TBCD: variants seen among roughly 807,000 people sequenced by gnomAD.
The protein encoded by TBCD is tubulin folding cofactor D.
A neutral mutation model predicts 169.3 loss-of-function variants in TBCD; 105 were observed. The ratio of observed to expected loss-of-function variants is 0.62; its 90% CI spans 0.53 to 0.73. The LOEUF (loss-of-function observed/expected upper bound fraction) is 0.73, where lower values mean the gene tolerates loss of function less well. Ranked by LOEUF, TBCD falls within the 30% of genes least tolerant of loss-of-function variation. TBCD has a pLI of 0.00. For missense variants in TBCD, 1,444 were observed against 1,600.1 expected (o/e 0.90, Z 1.66); for synonymous variants, 700 against 643.9 (o/e 1.09, Z -1.32).
intron 13 of TBCD, among the ~76,000 whole-genome samples, chr17:82,853,804 C>T (rs963510538): frequency 2.0e-5 from 3 of 152,090 alleles, no homozygotes; most frequent in Admixed American, 1.3e-4. Flanking sequence ...AAAAATCTAC[C>T]GTATGTGATT....
chr17:82,801,332 T>C (rs902765533), intron 9 of TBCD, among the ~76,000 whole-genome samples: 1 of 152,230 alleles, frequency 6.6e-6, no homozygotes, highest in Non-Finnish European at 1.5e-5. Context: ...TCTTTAATCC[T>C]AGAAGTGTTT....
At chr17:82,938,887 T>TTGCTTCTCTGATGAAAACAG (rs1568103719) in intron 36 of TBCD, among the ~76,000 whole-genome samples, 1 of 54,726 alleles carries the variant, frequency 1.8e-5, no homozygotes, top group Non-Finnish European at 4.5e-5. Flanking sequence ...GGTTAATAGA[T>TTGCTTCTCTGATGAAAACAG]AGCGGGCGAG....
chr17:82,910,750 G>A (rs1437990944), intron 22 of TBCD, among the ~76,000 whole-genome samples: 1 of 152,108 alleles, frequency 6.6e-6, no homozygotes, highest in Non-Finnish European at 1.5e-5. Flanking sequence ...ATTTTTAGGA[G>A]AGACGGGGTT....
Position 82,903,349 on chromosome 17 carries a change from A to C in TBCD, c.1731-56A>C. 2.0e-6 allele frequency: 3 copies of C among 1,500,140 alleles called. No homozygotes were observed. The South Asian group carries it at 3.6e-5, about 18-fold the overall frequency. 92.9% of individuals were successfully genotyped at this position (1,500,140 alleles called of 1,614,324 possible). A position where few individuals can be genotyped will look rare whatever the true frequency, so the allele number is the denominator to read the frequency against. ...TCCCTCACTTTCTTTTTATGAATTG[A>C]ATAAAGCTAGAATCATAAAATGAAG... On this transcript the variant is annotated intron_variant, in intron 18 of 38. Coordinates refer to ENST00000355528, the MANE Select transcript of TBCD (RefSeq NM_005993.5). This position sits in a 1 kb window ranked among gnomAD's most constrained non-coding sequence, Gnocchi z 4.8.
chr17:82,901,713 C>G (rs1042627283), intron 18 of TBCD, among the ~76,000 whole-genome samples: 1 of 152,114 alleles, frequency 6.6e-6, no homozygotes, highest in Non-Finnish European at 1.5e-5. Context: ...GCAGGGCCCT[C>G]AGGACTGGGA....
chr17:82,926,871 G>A (rs749328288), intron 28 of TBCD: 27 of 500,580 alleles, frequency 5.4e-5, no homozygotes, highest in Non-Finnish European at 8.6e-5. Flanking sequence ...GAGCAGTCCC[G>A]CGGGGGCCAC....
rs375899767 is a variant in TBCD, at chr17:82,930,573, G to C, written c.3043G>C (p.Asp1015His). 1.2e-6 allele frequency: 2 copies of C among 1,613,802 alleles called. No homozygotes were observed. The highest frequency in any genetic ancestry group is 1.7e-6 in the Non-Finnish European group (2 of 1,179,876). Reference sequence around the variant, plus strand: ...TGAGTACATGAAGGGCATTCAGAGCGACCCGCAGGCCCTGGGCAGCTTCAG... The same window carrying C: ...TGAGTACATGAAGGGCATTCAGAGCCACCCGCAGGCCCTGGGCAGCTTCAG... ...LFEYMKGIQS[D>H]PQALGSFSGT... is the part of the protein sequence containing the mutation. Residue 1015 changes from aspartate (D) to histidine (H), a missense_variant, in exon 33 of 39, where the codon GAC (aspartate) becomes CAC (histidine). Physicochemically the swap from Asp to His is moderately conservative, Grantham distance 81. Coordinates refer to ENST00000355528, the MANE Select transcript of TBCD (RefSeq NM_005993.5). This position sits in a 1 kb window ranked among gnomAD's most constrained non-coding sequence, Gnocchi z 5.2.
intron 8 of TBCD, among the ~76,000 whole-genome samples, 160 bp downstream of exon 8, chr17:82,797,962 CTTTTTTTTTTTTTTT>C (rs60671571): frequency 2.0e-4 from 10 of 49,022 alleles, no homozygotes; most frequent in Non-Finnish European, 2.9e-4. Context: ...AGTAACTGAA[CTTTTTTTTTTTTTTT>C]TTTTTTTTTT....
intron 35 of TBCD, chr17:82,937,848 A>G (rs2147499411): frequency 6.7e-7 from 1 of 1,495,738 alleles, no homozygotes; most frequent in Non-Finnish European, 8.9e-7. Context: ...TCCCACAGTG[A>G]CTTTCCAAGT....
At chr17:82,857,710 A>G (rs2056424987) in intron 13 of TBCD, among the ~76,000 whole-genome samples, 1 of 149,844 alleles carries the variant, frequency 6.7e-6, no homozygotes, top group South Asian at 2.1e-4. Flanking sequence ...CACAGGAGCC[A>G]TACAAATGAT....
At position 82,832,845 on chromosome 17, in the gene TBCD, GT is replaced by G. The variant is rs1449020157; in HGVS notation, c.1318+17915del. 1.3e-5 allele frequency among the ~76,000 whole-genome samples: 2 copies of G among 152,226 alleles called. No individual in the cohort carries two copies. Among genetic ancestry groups the G allele is most frequent in the Non-Finnish European group, 2.9e-5 (2 of 68,038 alleles). ...CTGCTGACTCCCCACCGTGTTTTCT[GT>G]TTTCTGAGTCTGATCTGAAAGAGTC... On this transcript the variant is annotated intron_variant, in intron 13 of 38. Transcript: ENST00000355528. The surrounding 1 kb of genome is among the most constrained non-coding windows in gnomAD (Gnocchi z 4.9).
intron 13 of TBCD, among the ~76,000 whole-genome samples, chr17:82,834,183 G>A (rs1346217563): frequency 6.6e-6 from 1 of 152,116 alleles, no homozygotes; most frequent in East Asian, 1.9e-4. Context: ...CCTGACCTCA[G>A]GTGATCCACC....
At chr17:82,798,728 T>C (rs1256644767) in intron 8 of TBCD, among the ~76,000 whole-genome samples, 1 of 148,144 alleles carries the variant, frequency 6.8e-6, no homozygotes, top group Non-Finnish European at 1.5e-5. Context: ...AGCCACCACC[T>C]CTTTTGCCTT....
In TBCD at chr17:82,905,985, G is replaced by A. The variant is rs753153476; in HGVS notation, c.1854G>A (p.Arg618=). The change falls in exon 20 of 39, where the codon AGG becomes AGA. Residue 618 remains arginine, a synonymous_variant. Transcript: ENST00000355528. The stretch of plus-strand genomic sequence containing the variant: ...CACTGAGTCCAGATCTTCACATGAG[G>A]CATGGGTCGATTCTCGCCTGCGCAG... ...SMTLSPDLHM[R]HGSILACAEV... The A allele has an allele frequency of 1.9e-6, 3 of 1,613,274 alleles. No homozygotes were observed. The highest frequency in any genetic ancestry group is 3.3e-5 in the Admixed American group (2 of 59,966).
chr17:82,926,371 T>C lies in TBCD; in HGVS notation c.2380-29T>C, dbSNP rs1078334. On this transcript the variant is annotated intron_variant, in intron 27 of 38. Transcript: ENST00000355528. ...GAGTGCACTTTGTTATAGCTTATGG[T>C]TCTTCTGTGATTCTTTATTGCTTTC... 0.35 allele frequency: 563,047 copies of C among 1,605,248 alleles called. 100,826 individuals are homozygous for C. The highest frequency in any genetic ancestry group is 0.49 in the African/African-American group (36,612 of 74,800).
At chr17:82,909,728 G>A (rs1043037906) in intron 22 of TBCD, among the ~76,000 whole-genome samples, 1 of 151,442 alleles carries the variant, frequency 6.6e-6, no homozygotes, top group Admixed American at 6.6e-5. Flanking sequence ...TGGGAGGCGC[G>A]TGAGGTTCTG....
chr17:82,852,458 G>A (rs2055878094), intron 13 of TBCD, among the ~76,000 whole-genome samples: 1 of 152,110 alleles, frequency 6.6e-6, no homozygotes, highest in Non-Finnish European at 1.5e-5. Context: ...CAAGGTCGAG[G>A]TGCCAGCAGG....
At position 82,832,827 on chromosome 17, in the gene TBCD, C is replaced by T. The variant is rs1342755990; in HGVS notation, c.1318+17893C>T. ...CTACCCTTGGTAACCTGGCTGCTGA[C>T]TCCCCACCGTGTTTTCTGTTTTCTG... is the stretch of plus-strand genomic sequence containing the variant. On this transcript the variant is annotated intron_variant, in intron 13 of 38. Coordinates refer to ENST00000355528, the MANE Select transcript of TBCD (RefSeq NM_005993.5). The surrounding 1 kb of genome is among the most constrained non-coding windows in gnomAD (Gnocchi z 4.9). Among the ~76,000 whole-genome samples, 1 of 152,234 alleles carries T rather than the reference C, an allele frequency of 6.6e-6. No individual in the cohort carries two copies. The highest frequency in any genetic ancestry group is 1.5e-5 in the Non-Finnish European group (1 of 68,038).
At chr17:82,843,910 T>C (rs528331420) in intron 13 of TBCD, among the ~76,000 whole-genome samples, 12 of 152,288 alleles carry the variant, frequency 7.9e-5, no homozygotes, top group African/African-American at 2.9e-4. Context: ...TGGATTAGTT[T>C]TATGTGTTGT....
Sources: gnomAD v4.1 joint callset for allele counts (sites outside exome capture counted in the v4.1 genomes callset) on GRCh38, gnomAD v4.1.1 for gene constraint, Gnocchi (gnomAD v3.1) non-coding constraint, MANE v1.5 for transcripts, NCBI Gene and HGNC (gene_info 2026-07-23, HGNC 2026-07-21) for gene names.